The following KDM4C variants were observed in gnomAD, a reference collection of about 807,000 sequenced individuals.
The protein encoded by KDM4C is lysine demethylase 4C, also known as lysine-specific demethylase 4C.
In KDM4C, 81 loss-of-function variants were observed where a neutral mutation model predicts 129.3. The ratio of observed to expected loss-of-function variants is 0.63; its 90% confidence interval spans 0.52 to 0.75. The LOEUF (loss-of-function observed/expected upper bound fraction) is 0.75. Among genes scored for constraint, KDM4C ranks in the 30% least tolerant of loss-of-function variants. The pLI is 0.00. For missense variants in KDM4C, 1,457 were observed against 1,304.0 expected, an observed-to-expected ratio of 1.12 and a Z score of -1.81; for synonymous variants, 573 against 456.1, an observed-to-expected ratio of 1.26 and a Z score of -3.26.
At chr9:6,992,641 C>T (rs1212958519) in intron 12 of KDM4C, among the ~76,000 whole-genome samples, 1 of 152,186 alleles carries the variant, frequency 6.6e-6, no homozygotes, top group Non-Finnish European at 1.5e-5. Flanking sequence ...GTCTATGTTG[C>T]TTGCAAAGTT....
intron 5 of KDM4C, among the ~76,000 whole-genome samples, chr9:6,860,763 A>T (rs192689535): frequency 6.6e-6 from 1 of 152,312 alleles, no homozygotes; most frequent in Admixed American, 6.5e-5. Flanking sequence ...GTGTTTTTCC[A>T]TGTGTTACTT....
chr9:6,946,723 T>C (rs1459190289), intron 8 of KDM4C, among the ~76,000 whole-genome samples: 1 of 152,190 alleles, frequency 6.6e-6, no homozygotes, highest in Non-Finnish European at 1.5e-5. Context: ...TCACTCATGT[T>C]CTTTCTATAG....
Position 6,922,905 on chromosome 9 carries a change from G to A in KDM4C, c.921+29673G>A, listed in dbSNP as rs141990534. Among the ~76,000 whole-genome samples the A allele has an allele frequency of 2.2e-4, 33 of 152,288 alleles. No homozygotes were observed. The East Asian group carries it at 4.4e-3, about 20-fold the overall frequency. ...CTGACTCAAGCCACTTAAACTGTGC[G>A]TTAGCTACAGAAATGGATGCACATT... On this transcript the variant is annotated intron_variant, in intron 8 of 21. Transcript: ENST00000381309.
At chr9:6,740,890 G>T (rs1235463842) in intron 1 of KDM4C, among the ~76,000 whole-genome samples, 2 of 151,716 alleles carry the variant, frequency 1.3e-5, no homozygotes, top group Admixed American at 6.6e-5. Flanking sequence ...TGCAGTGGGA[G>T]GATCTCGGCT....
chr9:6,973,635 C>T (rs186697986), intron 8 of KDM4C, among the ~76,000 whole-genome samples: 100 of 152,222 alleles, frequency 6.6e-4, no homozygotes, highest in African/African-American at 2.2e-3. Flanking sequence ...ATTTTTGTTT[C>T]TCTCAAGTGA....
chr9:7,027,849 G>C (rs1826050557), intron 15 of KDM4C, among the ~76,000 whole-genome samples: 1 of 152,194 alleles, frequency 6.6e-6, no homozygotes, highest in South Asian at 2.1e-4. Context: ...TACTGGCAGA[G>C]GAGCCTCAGC....
At position 6,906,282 on chromosome 9, in the gene KDM4C, T is replaced by C. The variant is rs371428328; in HGVS notation, c.921+13050T>C. Reference sequence around the variant, plus strand: ...GATTTGTTTTCTTAGAAGTAATTATTATTAAGCATTGAAGTAAATGGTACT... The same window carrying C: ...GATTTGTTTTCTTAGAAGTAATTATCATTAAGCATTGAAGTAAATGGTACT... On this transcript the variant is annotated intron_variant, in intron 8 of 21. Coordinates refer to ENST00000381309, the MANE Select transcript of KDM4C (RefSeq NM_015061.6). 9.9e-5 allele frequency among the ~76,000 whole-genome samples: 15 copies of C among 152,182 alleles called. No individual in the cohort carries two copies. The East Asian group carries it at 2.9e-3, about 29-fold the overall frequency.
At chr9:6,780,849 A>C (rs913020950) in intron 1 of KDM4C, among the ~76,000 whole-genome samples, 1 of 151,720 alleles carries the variant, frequency 6.6e-6, no homozygotes, top group South Asian at 2.1e-4. Context: ...AGCTCTCCAG[A>C]ATGCAGTCTC....
intron 15 of KDM4C, among the ~76,000 whole-genome samples, chr9:7,031,645 A>G (rs968424211): frequency 4.6e-5 from 7 of 152,190 alleles, no homozygotes; most frequent in African/African-American, 1.7e-4. Flanking sequence ...ATATATGTAT[A>G]TATAAACAGC....
Position 7,124,267 on chromosome 9 carries a change from A to G in KDM4C, c.2611-3799A>G, listed in dbSNP as rs1839804937. ...TCCAATTTTAACAAAATATACACTA[A>G]ATAACTAATATCATAATAAAATACA... On this transcript the variant is annotated intron_variant, in intron 18 of 21. Coordinates refer to ENST00000381309, the MANE Select transcript of KDM4C (RefSeq NM_015061.6). 5.9e-5 allele frequency among the ~76,000 whole-genome samples: 9 copies of G among 152,184 alleles called. No homozygotes were observed. In the South Asian group the frequency reaches 1.9e-3, roughly 32 times the overall value.
intron 8 of KDM4C, among the ~76,000 whole-genome samples, chr9:6,935,764 A>G (rs550417410): frequency 4.6e-5 from 7 of 152,138 alleles, no homozygotes; most frequent in African/African-American, 1.7e-4. Flanking sequence ...GCTTTAATGT[A>G]TGTCTTTGTA....
At chr9:7,126,425 A>G (rs1197751756) in intron 18 of KDM4C, among the ~76,000 whole-genome samples, 3 of 152,164 alleles carry the variant, frequency 2.0e-5, no homozygotes, top group African/African-American at 7.2e-5. Context: ...ACTTGGGTGT[A>G]TTTAGGGATT....
intron 2 of KDM4C, among the ~76,000 whole-genome samples, chr9:6,802,995 A>G (rs1187719483): frequency 2.6e-5 from 4 of 152,268 alleles, no homozygotes; most frequent in Non-Finnish European, 5.9e-5. Flanking sequence ...ACATTTTTAT[A>G]CATTTGCAAA....
chr9:6,847,516 G>A (rs1211105074), intron 4 of KDM4C, among the ~76,000 whole-genome samples: 2 of 151,754 alleles, frequency 1.3e-5, no homozygotes, highest in Non-Finnish European at 2.9e-5. Context: ...TCAGCCTCCC[G>A]AGTGGCTGGG....
intron 1 of KDM4C, among the ~76,000 whole-genome samples, chr9:6,771,913 A>C (rs72699637): frequency 6.6e-6 from 1 of 152,090 alleles, no homozygotes; most frequent in Non-Finnish European, 1.5e-5. Flanking sequence ...GGGAGACTCA[A>C]GTAGCTCTTG....
chr9:7,098,430 A>G (rs913427022), intron 17 of KDM4C, among the ~76,000 whole-genome samples: 3 of 152,234 alleles, frequency 2.0e-5, no homozygotes, highest in African/African-American at 7.2e-5. Flanking sequence ...TGGCATTATG[A>G]GCCATTTATT....
At chr9:6,940,926 A>C (rs1041612715) in intron 8 of KDM4C, among the ~76,000 whole-genome samples, 1 of 152,170 alleles carries the variant, frequency 6.6e-6, no homozygotes, top group Non-Finnish European at 1.5e-5. Flanking sequence ...GCTGCTCTAC[A>C]TTGGGTGAGC....
chr9:6,934,472 C>T (rs1350656249), intron 8 of KDM4C, among the ~76,000 whole-genome samples: 1 of 137,536 alleles, frequency 7.3e-6, no homozygotes. Context: ...AGAGCAAGAC[C>T]CCGCCAAAAA....
rs142066100 is a variant in KDM4C, at chr9:6,762,364, G to T, written c.-18+4161G>T. On this transcript the variant is annotated intron_variant, in intron 1 of 21. Coordinates refer to ENST00000381309, the MANE Select transcript of KDM4C (RefSeq NM_015061.6). ...AAAAATTTCTGTTTGTAGAGATGGGGTCTCAGTGTGTTGCTCAGGCTAGTC... is the reference window on the plus strand; with the variant it reads ...AAAAATTTCTGTTTGTAGAGATGGGTTCTCAGTGTGTTGCTCAGGCTAGTC... Among the ~76,000 whole-genome samples the T allele has an allele frequency of 4.8e-3, 723 of 151,532 alleles. 7 individuals are homozygous for T. Among genetic ancestry groups the T allele is most frequent in the African/African-American group, 0.017 (701 of 41,296 alleles).
Sources: allele counts gnomAD v4.1 joint callset (sites outside exome capture counted in the v4.1 genomes callset), GRCh38; gene constraint gnomAD v4.1.1; transcripts MANE v1.5; gene names NCBI Gene and HGNC (gene_info 2026-07-23, HGNC 2026-07-21).